Variants in CFAP77 observed in about 807,000 individuals in gnomAD.
The protein encoded by CFAP77 is cilia and flagella associated protein 77.
CFAP77 carries 25 observed loss-of-function variants against 31.1 expected under a neutral mutation model. The observed-to-expected ratio is 0.80, with a 90% CI of 0.59 to 1.12. The LOEUF is 1.12. CFAP77 is among the 50% of genes most tolerant of loss of function. The pLI is 0.00. For missense variants in CFAP77, 377 were observed against 397.3 expected (o/e 0.95, Z 0.44); for synonymous variants, 151 against 159.9 (o/e 0.94, Z 0.42).
intron 1 of CFAP77, among the ~76,000 whole-genome samples, chr9:132,423,330 G>C (rs1850256783): frequency 6.6e-6 from 1 of 152,248 alleles, no homozygotes; most frequent in African/African-American, 2.4e-5. Flanking sequence ...ATGAGGAAGA[G>C]GCTGAGCCTG....
chr9:132,456,254 G>A (rs1470131041), intron 1 of CFAP77, among the ~76,000 whole-genome samples: 4 of 152,186 alleles, frequency 2.6e-5, no homozygotes, highest in Non-Finnish European at 5.9e-5. Flanking sequence ...ATGGGTGACT[G>A]AGGAGGGGCT....
intron 1 of CFAP77, among the ~76,000 whole-genome samples, chr9:132,453,938 CGTGT>C (rs1173016740): frequency 6.6e-6 from 1 of 152,146 alleles, no homozygotes; most frequent in Admixed American, 6.5e-5. Context: ...AATTTATCAG[CGTGT>C]GTATTTGCAC....
chr9:132,483,232 T>C (rs1032727252), intron 1 of CFAP77, among the ~76,000 whole-genome samples: 16 of 152,010 alleles, frequency 1.1e-4, no homozygotes, highest in African/African-American at 3.6e-4. Context: ...GATCGCACCA[T>C]TGCACTCCAT....
chr9:132,513,342 A>T, intron 3 of CFAP77: 1 of 1,544,928 alleles, frequency 6.5e-7, no homozygotes, highest in Non-Finnish European at 8.7e-7. Flanking sequence ...CACGCTAACC[A>T]TCTGGCCGCT....
chr9:132,552,935 CCT>C lies in CFAP77; in HGVS notation c.732+9891_732+9892del. ...AAGGGAAATGTGCAGTTGGAGACCG[CCT>C]CTGTCTGTTAAACAGCCCTAAGGCT... On this transcript the variant is annotated intron_variant, in intron 5 of 5. Transcript: ENST00000393216. This position sits in a 1 kb window ranked among gnomAD's most constrained non-coding sequence, Gnocchi z 5.5. Among the ~76,000 whole-genome samples, 1 of 152,300 alleles carries C rather than the reference CCT, an allele frequency of 6.6e-6. No individual in the cohort carries two copies. The highest frequency in any genetic ancestry group is 1.9e-4 in the East Asian group (1 of 5,180).
intron 1 of CFAP77, among the ~76,000 whole-genome samples, chr9:132,415,593 C>T (rs1001375143): frequency 1.3e-5 from 2 of 152,228 alleles, no homozygotes; most frequent in Non-Finnish European, 2.9e-5. Context: ...CAGAACACTG[C>T]GGTGGCGTGG....
chr9:132,544,706 G>A (rs1034241506), intron 5 of CFAP77, among the ~76,000 whole-genome samples: 4 of 152,082 alleles, frequency 2.6e-5, no homozygotes, highest in Non-Finnish European at 5.9e-5. Flanking sequence ...ATGTTGGACA[G>A]GCTGGTCTCA....
intron 3 of CFAP77, among the ~76,000 whole-genome samples, chr9:132,502,963 G>A (rs958891540): frequency 1.4e-4 from 21 of 152,214 alleles, no homozygotes; most frequent in Non-Finnish European, 2.5e-4. Flanking sequence ...TGAGGATTGA[G>A]TAGGTGGGAA....
intron 3 of CFAP77, among the ~76,000 whole-genome samples, chr9:132,530,054 T>C (rs2119036360): frequency 6.6e-6 from 1 of 152,156 alleles, no homozygotes; most frequent in Middle Eastern, 3.4e-3. Context: ...TGACTATTCT[T>C]TCATGTGTTT....
In CFAP77 at chr9:132,498,590, G is replaced by A. The variant is rs1017252960; in HGVS notation, c.196-105G>A. On this transcript the variant is annotated intron_variant, in intron 1 of 5. Transcript: ENST00000393216. The surrounding 1 kb of genome is among the most constrained non-coding windows in gnomAD (Gnocchi z 4.2). The stretch of plus-strand genomic sequence containing the variant: ...GTGCCACCCTGAAGGCCACGGCAGG[G>A]CCTGGGGGAAATGCAGGCATCTGGT... 4 of 856,148 alleles carry A rather than the reference G, an allele frequency of 4.7e-6. No individual in the cohort carries two copies. The highest frequency in any genetic ancestry group is 1.7e-5 in the African/African-American group (1 of 59,988). The allele number at this position is 856,148 out of a possible 1,614,324, so 53.0% of individuals were successfully genotyped here.
At chr9:132,411,280 G>C (rs1410857279) in intron 1 of CFAP77, among the ~76,000 whole-genome samples, 2 of 152,244 alleles carry the variant, frequency 1.3e-5, no homozygotes, top group African/African-American at 2.4e-5. Context: ...TGCGCCCCGC[G>C]TCCCAGGTGC....
At chr9:132,411,625 C>T (rs528380486) in intron 1 of CFAP77, among the ~76,000 whole-genome samples, 1 of 152,222 alleles carries the variant, frequency 6.6e-6, no homozygotes, top group Admixed American at 6.5e-5. Flanking sequence ...CTTACTTCTA[C>T]GTGAGAAGAG....
intron 3 of CFAP77, among the ~76,000 whole-genome samples, chr9:132,510,541 A>G (rs933002786): frequency 3.3e-5 from 5 of 152,184 alleles, no homozygotes; most frequent in African/African-American, 1.2e-4. Flanking sequence ...CAAGCCCAAC[A>G]CATCAGCCCA....
rs571583459 is a variant in CFAP77 at position 132,499,948 on chromosome 9, C to T, written c.524+348C>T. ...GGAGGATCGCTTGAGTCCAGGAATT[C>T]GAGGCCAGGCTGGTCAACGTGGCAA... is the stretch of plus-strand genomic sequence containing the variant. On this transcript the variant is annotated intron_variant, in intron 3 of 5. Transcript: ENST00000393216. This position sits in a 1 kb window ranked among gnomAD's most constrained non-coding sequence, Gnocchi z 5.4. 2.2e-4 allele frequency among the ~76,000 whole-genome samples: 34 copies of T among 152,120 alleles called. No homozygotes were observed. The highest frequency in any genetic ancestry group is 7.7e-4 in the African/African-American group (32 of 41,504).
intron 5 of CFAP77, among the ~76,000 whole-genome samples, chr9:132,550,559 C>G (rs12342258): frequency 0.011 from 1,596 of 139,288 alleles, 20 homozygotes; most frequent in African/African-American, 0.039. Context: ...GGGTCTCACT[C>G]TGTTGCCCAG....
At chr9:132,482,227 C>T in intron 1 of CFAP77, 26 of 708,228 alleles carry the variant, frequency 3.7e-5, no homozygotes, top group South Asian at 8.7e-5. Flanking sequence ...TTTCTTAAAT[C>T]TGCTCACTCA....
chr9:132,418,860 C>A (rs1256642074), intron 1 of CFAP77, among the ~76,000 whole-genome samples: 1 of 152,184 alleles, frequency 6.6e-6, no homozygotes, highest in Non-Finnish European at 1.5e-5. Flanking sequence ...ATGAACTAAT[C>A]TAAGATTTAA....
chr9:132,524,999 G>C (rs949137511), intron 3 of CFAP77, among the ~76,000 whole-genome samples: 3 of 144,330 alleles, frequency 2.1e-5, no homozygotes, highest in Non-Finnish European at 4.6e-5. Flanking sequence ...TATACTCTTC[G>C]ATTACCTCTT....
intron 1 of CFAP77, among the ~76,000 whole-genome samples, chr9:132,461,078 A>T (rs1237030478): frequency 3.3e-5 from 5 of 152,244 alleles, no homozygotes; most frequent in Admixed American, 1.3e-4. Flanking sequence ...AAAAAAATTA[A>T]TGTAAAAAAT....
Sources: gnomAD v4.1 joint callset for allele counts (sites outside exome capture counted in the v4.1 genomes callset) on GRCh38, gnomAD v4.1.1 for gene constraint, Gnocchi (gnomAD v3.1) non-coding constraint, MANE v1.5 for transcripts, NCBI Gene and HGNC (gene_info 2026-07-23, HGNC 2026-07-21) for gene names.